Variants in CREB5 observed in about 807,000 individuals in gnomAD.
The protein encoded by CREB5 is cyclic AMP-responsive element-binding protein 5.
A neutral mutation model predicts 57.1 loss-of-function variants in CREB5; 19 were observed. The observed-to-expected ratio is 0.33, with a 90% CI of 0.23 to 0.49. The LOEUF is 0.49. Ranked by LOEUF, CREB5 falls within the 20% of genes least tolerant of loss-of-function variation. The pLI, the probability that CREB5 is intolerant of heterozygous loss-of-function variation, is 0.99. For missense variants in CREB5, 579 were observed against 671.6 expected (o/e 0.86, Z 1.52); for synonymous variants, 238 against 238.3 (o/e 1.00, Z 0.01).
At chr7:28,768,190 G>T (rs1369982814) in intron 7 of CREB5, among the ~76,000 whole-genome samples, 1 of 152,138 alleles carries the variant, frequency 6.6e-6, no homozygotes, top group African/African-American at 2.4e-5. Context: ...GCAGGGAAGG[G>T]ACCTTCTTCT....
At chr7:28,634,376 A>G (rs1255967968) in intron 5 of CREB5, among the ~76,000 whole-genome samples, 1 of 152,246 alleles carries the variant, frequency 6.6e-6, no homozygotes, top group Non-Finnish European at 1.5e-5. Flanking sequence ...AATGATGTCT[A>G]TGCATGTCTA....
At chr7:28,438,750 C>T (rs1789062180) in intron 1 of CREB5, among the ~76,000 whole-genome samples, 1 of 152,182 alleles carries the variant, frequency 6.6e-6, no homozygotes, top group African/African-American at 2.4e-5. Flanking sequence ...ATCCAGAGAC[C>T]CCCAAGTGGG....
chr7:28,535,036 C>T lies in CREB5; in HGVS notation c.291+27299C>T, dbSNP rs1240659300. ...ACCTGAGGGCTTGCGGACTGCAGCT[C>T]GCATCTCTGGTTCCTGCTGGTCCTG... On this transcript the variant is annotated intron_variant, in intron 4 of 10. Coordinates refer to ENST00000357727, the MANE Select transcript of CREB5 (RefSeq NM_182898.4). 4.2e-5 allele frequency among the ~76,000 whole-genome samples: 6 copies of T among 141,590 alleles called. 1 individual carries two copies. The highest frequency in any genetic ancestry group is 1.6e-4 in the African/African-American group (6 of 38,524). The allele number at this position is 141,590 out of a possible 152,430, so 92.9% of individuals were successfully genotyped here.
chr7:28,656,851 AT>A (rs58119255), intron 5 of CREB5, among the ~76,000 whole-genome samples: 22,807 of 149,134 alleles, frequency 0.15, 3,395 homozygotes, highest in East Asian at 0.47. Flanking sequence ...ATCTAAGAAG[AT>A]TTTTTTTTTT....
chr7:28,443,086 T>G (rs1462898677), intron 1 of CREB5, among the ~76,000 whole-genome samples: 1 of 152,208 alleles, frequency 6.6e-6, no homozygotes, highest in Non-Finnish European at 1.5e-5. Context: ...TTCCCCCTAC[T>G]TGCAACCTAA....
At position 28,672,186 on chromosome 7, in the gene CREB5, A is replaced by ACACAC. The variant is rs553407335; in HGVS notation, c.465-46567_465-46566insCACAC. ...TCAGTTGTATTATGGAAAAAAAAAAAAAACACACACACACACACACACACA... is the reference window on the plus strand; with the variant it reads ...TCAGTTGTATTATGGAAAAAAAAAAACACACAAACACACACACACACACACACACA... On this transcript the variant is annotated intron_variant, in intron 5 of 10. Transcript: ENST00000357727. Among the ~76,000 whole-genome samples the ACACAC allele has an allele frequency of 9.5e-4, 135 of 141,948 alleles. 1 individual carries two copies. The Middle Eastern group carries it at 0.01, about 11-fold the overall frequency. 93.1% of individuals were successfully genotyped at this position (141,948 alleles called of 152,430 possible).
At position 28,351,514 on chromosome 7, in the gene CREB5, T is replaced by C. The variant is rs749798738; in HGVS notation, c.-25+52073T>C. Among the ~76,000 whole-genome samples the C allele has an allele frequency of 3.4e-4, 52 of 152,224 alleles. 1 individual carries two copies. Among genetic ancestry groups the C allele is most frequent in the Admixed American group, 7.2e-4 (11 of 15,288 alleles). On this transcript the variant is annotated intron_variant, in intron 1 of 9. Transcript: ENST00000396299. ...CTCTGAGATTTTCCTTTCCTATTCC[T>C]TTCTTCCCATCTATTAATGAGCATG... is the stretch of plus-strand genomic sequence containing the variant.
intron 1 of CREB5, among the ~76,000 whole-genome samples, chr7:28,416,731 G>C (rs1337945812): frequency 6.6e-6 from 1 of 152,176 alleles, no homozygotes; most frequent in Non-Finnish European, 1.5e-5. Flanking sequence ...GGGGCCTCCA[G>C]GGTCATTTTC....
chr7:28,736,969 T>C (rs1286443058), intron 7 of CREB5, among the ~76,000 whole-genome samples: 1 of 151,920 alleles, frequency 6.6e-6, no homozygotes, highest in Non-Finnish European at 1.5e-5. Flanking sequence ...CACACTGTAA[T>C]CCTGACCCCA....
At chr7:28,308,033 A>G (rs1004000890) in intron 1 of CREB5, among the ~76,000 whole-genome samples, 3 of 152,194 alleles carry the variant, frequency 2.0e-5, no homozygotes, top group Non-Finnish European at 4.4e-5. Flanking sequence ...GGGAACATGG[A>G]GAAACCTGGC....
intron 1 of CREB5, among the ~76,000 whole-genome samples, chr7:28,445,964 C>T (rs148809724): frequency 2.7e-3 from 404 of 152,280 alleles, no homozygotes; most frequent in Admixed American, 6.1e-3. Context: ...CCAAACAAAC[C>T]CAACAAAGAA....
At chr7:28,672,857 A>G (rs1396336111) in intron 5 of CREB5, among the ~76,000 whole-genome samples, 1 of 152,240 alleles carries the variant, frequency 6.6e-6, no homozygotes, top group East Asian at 1.9e-4. Context: ...TTCATGCTCC[A>G]ACACTGTGTG....
chr7:28,674,790 A>G (rs1800238606), intron 5 of CREB5, among the ~76,000 whole-genome samples: 2 of 152,238 alleles, frequency 1.3e-5, no homozygotes, highest in Non-Finnish European at 1.5e-5. Flanking sequence ...TCTGTTCTCC[A>G]CACAGCAATT....
At chr7:28,642,995 C>CAA (rs1423977534) in intron 5 of CREB5, among the ~76,000 whole-genome samples, 3 of 92,262 alleles carry the variant, frequency 3.3e-5, no homozygotes, top group Admixed American at 9.5e-5. Context: ...CATACACACA[C>CAA]ACACACACAC....
chr7:28,415,868 T>G (rs533054341), intron 1 of CREB5, among the ~76,000 whole-genome samples: 1 of 152,236 alleles, frequency 6.6e-6, no homozygotes, highest in South Asian at 2.1e-4. Flanking sequence ...AAGGTGTACC[T>G]TTGCCTAGGA....
intron 5 of CREB5, among the ~76,000 whole-genome samples, chr7:28,606,690 C>T (rs986398372): frequency 3.3e-5 from 5 of 152,098 alleles, no homozygotes; most frequent in Admixed American, 6.6e-5. Flanking sequence ...TCTTATGTTA[C>T]TCATACAAGA....
intron 1 of CREB5, among the ~76,000 whole-genome samples, chr7:28,401,935 G>A (rs1787473332): frequency 6.6e-6 from 1 of 152,172 alleles, no homozygotes; most frequent in Non-Finnish European, 1.5e-5. Context: ...CCAGTAATGG[G>A]ATGGCTGGGT....
At chr7:28,503,745 C>T (rs1478158598) in intron 3 of CREB5, among the ~76,000 whole-genome samples, 1 of 152,172 alleles carries the variant, frequency 6.6e-6, no homozygotes, top group Middle Eastern at 3.2e-3. Flanking sequence ...CACACCTACA[C>T]ACATGAACAA....
At chr7:28,418,492 C>G (rs984593242) in intron 1 of CREB5, among the ~76,000 whole-genome samples, 15 of 152,120 alleles carry the variant, frequency 9.9e-5, no homozygotes, top group African/African-American at 3.6e-4. Context: ...CTCTGCATCC[C>G]CAAATTCATG....
Sources: allele counts gnomAD v4.1 joint callset (sites outside exome capture counted in the v4.1 genomes callset), GRCh38; gene constraint gnomAD v4.1.1; transcripts MANE v1.5; gene names NCBI Gene and HGNC (gene_info 2026-07-23, HGNC 2026-07-21).